MICAL3: variants seen among roughly 807,000 people sequenced by gnomAD.
MICAL3 encodes microtubule associated monooxygenase, calponin and LIM domain containing 3, also known as [F-actin]-monooxygenase MICAL3.
Under a neutral mutation model 207.4 loss-of-function variants are expected in MICAL3, and 62 were observed. That is an observed-to-expected ratio of 0.30 (90% CI 0.24 to 0.37). MICAL3 has a LOEUF of 0.37. Among genes scored for constraint, MICAL3 ranks in the 10% least tolerant of loss-of-function variants. MICAL3 has a pLI of 1.00. For synonymous variants in MICAL3, 1,077 were observed against 1,069.3 expected, an observed-to-expected ratio of 1.01 and a Z score of -0.14; for missense variants, 2,368 against 2,635.6, an observed-to-expected ratio of 0.90 and a Z score of 2.22.
chr22:17,857,946 C>T (rs1300945766), intron 19 of MICAL3, among the ~76,000 whole-genome samples: 1 of 152,260 alleles, frequency 6.6e-6, no homozygotes, highest in Non-Finnish European at 1.5e-5. Flanking sequence ...GATTCAACCT[C>T]TTGCCCACTG....
At chr22:17,814,415 T>C (rs2062080551) in intron 27 of MICAL3, 1 of 152,234 alleles carries the variant, frequency 6.6e-6, no homozygotes, top group East Asian at 1.9e-4. Context: ...GACATTTTCC[T>C]ATATAACTTT....
chr22:17,957,925 G>C (rs1008561256), intron 1 of MICAL3, among the ~76,000 whole-genome samples: 1 of 152,092 alleles, frequency 6.6e-6, no homozygotes, highest in East Asian at 1.9e-4. Flanking sequence ...TTTCTTAAGC[G>C]GCAAGCCCTG....
chr22:17,872,016 A>G lies in MICAL3; in HGVS notation c.2249T>C (p.Met750Thr), dbSNP rs748665676. ...QSIGIRRQGS[M>T]KKEFPQNLGG... ...CAGGTTCTGCGGGAACTCCTTCTTC[A>G]TGGAGCCCTGCAGGAGGTGGCGGTC... The change falls in exon 17 of 32, where the codon ATG becomes ACG. Residue 750 changes from methionine to threonine, a missense_variant. Around this residue, in one of 4 missense-constraint regions of MICAL3, gnomAD observed 1,770 missense variants for 1,863.2 expected, o/e 0.95. Transcript: ENST00000441493. The G allele has an allele frequency of 7.5e-6, 12 of 1,602,872 alleles. No individual in the cohort carries two copies. The highest frequency in any genetic ancestry group is 1.0e-5 in the Non-Finnish European group (12 of 1,175,070).
chr22:17,914,869 T>A lies in MICAL3; in HGVS notation c.-74-7983A>T, dbSNP rs1483332856. Among the ~76,000 whole-genome samples, 4 of 152,230 alleles carry A rather than the reference T, an allele frequency of 2.6e-5. 1 individual carries two copies. Among genetic ancestry groups the A allele is most frequent in the African/African-American group, 9.6e-5 (4 of 41,462 alleles). On this transcript the variant is annotated intron_variant, in intron 1 of 31. Coordinates refer to ENST00000441493, the MANE Select transcript of MICAL3 (RefSeq NM_015241.3). ...GCACCCCAGCCATCAGCAACGCCTA[T>A]GAGGAGTCAATGACAAAACATTTTC...
At chr22:17,942,067 G>T (rs1285377660) in intron 1 of MICAL3, among the ~76,000 whole-genome samples, 1 of 152,188 alleles carries the variant, frequency 6.6e-6, no homozygotes, top group Non-Finnish European at 1.5e-5. Flanking sequence ...AGCACTCAAG[G>T]AAACGACTTG....
Position 17,900,992 on chromosome 22 carries a change from G to A in MICAL3, c.697C>T (p.Arg233Cys), listed in dbSNP as rs763498380. 27 of 1,613,942 alleles carry A rather than the reference G, an allele frequency of 1.7e-5. No homozygotes were observed. In the East Asian group the frequency reaches 2.9e-4, roughly 17 times the overall value. The part of the protein sequence containing the change: ...DGRRNTLEGF[R>C]RKEFRGKLAI... ...AGTTTGCCACGGAATTCTTTCCGACGAAACCCTGGAGGGAAATAAATTTTC... is the reference window on the plus strand; with the variant it reads ...AGTTTGCCACGGAATTCTTTCCGACAAAACCCTGGAGGGAAATAAATTTTC... The change falls in exon 6 of 32, where the codon CGT becomes TGT. Residue 233 changes from arginine to cysteine, a missense_variant. By Grantham distance (180) the Arg-to-Cys change is radical (BLOSUM62 -3). Coordinates refer to ENST00000441493, the MANE Select transcript of MICAL3 (RefSeq NM_015241.3). This position sits in a 1 kb window ranked among gnomAD's most constrained non-coding sequence, Gnocchi z 4.0.
chr22:17,823,136 G>A, intron 22 of MICAL3, 76 bp from the exon 23 acceptor site: 2 of 988,106 alleles, frequency 2.0e-6, no homozygotes, highest in Non-Finnish European at 3.2e-6. Context: ...GGGGGCGAGA[G>A]GTACTGCCTT....
intron 25 of MICAL3, among the ~76,000 whole-genome samples, chr22:17,820,537 G>A (rs1034771668): frequency 1.3e-5 from 2 of 152,118 alleles, no homozygotes; most frequent in African/African-American, 4.8e-5. Flanking sequence ...TGTATTGTTA[G>A]TAGAGACAGG....
chr22:17,834,860 T>C (rs1923196427), intron 20 of MICAL3, among the ~76,000 whole-genome samples: 1 of 152,352 alleles, frequency 6.6e-6, no homozygotes, highest in East Asian at 1.9e-4. Flanking sequence ...TTAACACTGT[T>C]TGAACATAAA....
At chr22:17,862,909 C>T (rs1466764503) in intron 19 of MICAL3, 2 of 985,402 alleles carry the variant, frequency 2.0e-6, no homozygotes, top group Non-Finnish European at 2.4e-6. Flanking sequence ...TCCTTTGGGA[C>T]ACCACATTTT....
Position 17,902,109 on chromosome 22 carries a change from G to C in MICAL3, c.590-130C>G. ...AAAAACACTATGTGTAGAAGCAGTG[G>C]AGACAGAGGCTGTGCACGGTGGCTC... On this transcript the variant is annotated intron_variant, in intron 4 of 31. Transcript: ENST00000441493. The surrounding 1 kb of genome is among the most constrained non-coding windows in gnomAD (Gnocchi z 4.5). The C allele has an allele frequency of 1.5e-6, 1 of 655,206 alleles. No individual in the cohort carries two copies. Among genetic ancestry groups the C allele is most frequent in the Non-Finnish European group, 2.7e-6 (1 of 375,200 alleles). The allele number at this position is 655,206 out of a possible 1,614,324, so 40.6% of individuals were successfully genotyped here. A position where few individuals can be genotyped will look rare whatever the true frequency, so the allele number is the denominator to read the frequency against.
At position 17,950,835 on chromosome 22, in the gene MICAL3, C is replaced by G. The variant is rs376128246; in HGVS notation, c.-74-43949G>C. 1.4e-3 allele frequency among the ~76,000 whole-genome samples: 211 copies of G among 152,318 alleles called. 1 individual carries two copies. Among genetic ancestry groups the G allele is most frequent in the African/African-American group, 4.9e-3 (202 of 41,564 alleles). On this transcript the variant is annotated intron_variant, in intron 1 of 31. Coordinates refer to ENST00000441493, the MANE Select transcript of MICAL3 (RefSeq NM_015241.3). ...CTTGCGGAGGGCAGACCCACCAACG[C>G]CACTACTTGGAAAGACTCAGAGGCT...
At chr22:17,981,966 G>A (rs1291612842) in intron 1 of MICAL3, among the ~76,000 whole-genome samples, 1 of 152,180 alleles carries the variant, frequency 6.6e-6, no homozygotes. Context: ...TTAGCAGGGA[G>A]TAGTGGTGCT....
rs776901089 is a variant in MICAL3, at chr22:17,841,792, G to A, written c.2801+30C>T. ...AGGAGGCTCTTAGGGCCGTGTGGCGGGTGGGCGCCCTGCAGCCCTGCGTGC... is the reference window on the plus strand; with the variant it reads ...AGGAGGCTCTTAGGGCCGTGTGGCGAGTGGGCGCCCTGCAGCCCTGCGTGC... On this transcript the variant is annotated intron_variant, in intron 20 of 31. Coordinates refer to ENST00000441493, the MANE Select transcript of MICAL3 (RefSeq NM_015241.3). This position sits in a 1 kb window ranked among gnomAD's most constrained non-coding sequence, Gnocchi z 4.2. 1 of 1,539,518 alleles carries A rather than the reference G, an allele frequency of 6.5e-7. No individual in the cohort carries two copies. The highest frequency in any genetic ancestry group is 8.7e-7 in the Non-Finnish European group (1 of 1,143,266).
chr22:17,820,403 G>A (rs1375286810), intron 25 of MICAL3, among the ~76,000 whole-genome samples: 1 of 152,192 alleles, frequency 6.6e-6, no homozygotes, highest in Non-Finnish European at 1.5e-5. Flanking sequence ...CGCCCAGGCT[G>A]GAGTGCAGTG....
At chr22:17,924,745 A>C (rs955495679) in intron 1 of MICAL3, among the ~76,000 whole-genome samples, 1 of 152,222 alleles carries the variant, frequency 6.6e-6, no homozygotes, top group Non-Finnish European at 1.5e-5. Flanking sequence ...TGTATTTCAG[A>C]AGACCTGCAA....
At chr22:17,860,170 G>T in intron 19 of MICAL3, 1 of 973,154 alleles carries the variant, frequency 1.0e-6, no homozygotes, top group Non-Finnish European at 1.2e-6. Flanking sequence ...AGATTGTTTG[G>T]AATTTATTCT....
intron 29 of MICAL3, among the ~76,000 whole-genome samples, chr22:17,797,981 C>A (rs896476735): frequency 2.0e-5 from 3 of 152,208 alleles, no homozygotes; most frequent in Non-Finnish European, 2.9e-5. Context: ...ACCATCACCA[C>A]AGAGCTGGGG....
chr22:17,827,533 T>C (rs73151024), intron 22 of MICAL3, 111 bp downstream of exon 22: 48,130 of 1,209,076 alleles, frequency 0.04, 1,093 homozygotes, highest in Non-Finnish European at 0.046. Flanking sequence ...CTGGCTCCCG[T>C]GTGTGACCTC....
Sources: gnomAD v4.1 joint callset for allele counts (sites outside exome capture counted in the v4.1 genomes callset) on GRCh38, gnomAD v4.1.1 for gene constraint, gnomAD v4.1.1 regional missense constraint, Gnocchi (gnomAD v3.1) non-coding constraint, MANE v1.5 for transcripts, NCBI Gene and HGNC (gene_info 2026-07-23, HGNC 2026-07-21) for gene names.